Variants in PEPD observed in about 807,000 individuals in gnomAD.
PEPD encodes xaa-Pro dipeptidase.
In PEPD, 53 loss-of-function variants were observed where a neutral mutation model predicts 60.7. The ratio of observed to expected loss-of-function variants is 0.87; its 90% CI spans 0.70 to 1.10. PEPD has a LOEUF of 1.10. PEPD is among the 50% of genes least tolerant of loss of function. PEPD has a pLI of 0.00. For missense variants in PEPD, 711 were observed against 711.9 expected, an observed-to-expected ratio of 1.00 and a Z score of 0.01; for synonymous variants, 267 against 284.1, an observed-to-expected ratio of 0.94 and a Z score of 0.60.
At chr19:33,425,253 C>A (rs571968760) in intron 9 of PEPD, among the ~76,000 whole-genome samples, 4 of 152,070 alleles carry the variant, frequency 2.6e-5, no homozygotes, top group Admixed American at 1.3e-4. Flanking sequence ...ATCTGTAATG[C>A]GCCACTGCAC....
intron 5 of PEPD, among the ~76,000 whole-genome samples, chr19:33,492,807 T>TG (rs1970525005): frequency 6.6e-6 from 1 of 152,184 alleles, no homozygotes; most frequent in African/African-American, 2.4e-5. Context: ...GACTCAAGGA[T>TG]GGGGTCCCAT....
chr19:33,438,832 G>A (rs1034173254), intron 9 of PEPD, among the ~76,000 whole-genome samples: 1 of 152,242 alleles, frequency 6.6e-6, no homozygotes, highest in Non-Finnish European at 1.5e-5. Context: ...AGATTCTCCT[G>A]CCTCAGCCTC....
intron 3 of PEPD, 61 bp from the exon 4 acceptor site, chr19:33,501,062 C>G: frequency 9.9e-7 from 1 of 1,006,932 alleles, no homozygotes; most frequent in Non-Finnish European, 1.6e-6. Context: ...GCATGGCCAC[C>G]TTCCTGCCTG....
At chr19:33,496,868 A>C (rs889507926) in intron 4 of PEPD, among the ~76,000 whole-genome samples, 2 of 152,180 alleles carry the variant, frequency 1.3e-5, no homozygotes, top group Non-Finnish European at 2.9e-5. Context: ...GCACTTTCCT[A>C]ACCAGGGCCC....
chr19:33,434,212 T>A (rs1969330258), intron 9 of PEPD, among the ~76,000 whole-genome samples: 1 of 152,134 alleles, frequency 6.6e-6, no homozygotes, highest in Non-Finnish European at 1.5e-5. Context: ...CCGACAGTTC[T>A]CCCTGTATGG....
chr19:33,466,522 G>C (rs144767753), intron 7 of PEPD, among the ~76,000 whole-genome samples: 249 of 152,278 alleles, frequency 1.6e-3, no homozygotes, highest in African/African-American at 5.5e-3. Context: ...GGGGATAGAA[G>C]AACAAGCTAA....
At chr19:33,435,151 G>A (rs1969350889) in intron 9 of PEPD, among the ~76,000 whole-genome samples, 1 of 152,190 alleles carries the variant, frequency 6.6e-6, no homozygotes, top group African/African-American at 2.4e-5. Context: ...AGGCAGAGGA[G>A]AGCAAAGGCC....
At chr19:33,510,988 T>G in intron 3 of PEPD, 40 bp downstream of exon 3, 11 of 1,294,152 alleles carry the variant, frequency 8.5e-6, no homozygotes, top group African/African-American at 3.1e-5. Flanking sequence ...CCCCAGCCCA[T>G]GGTTGGTAGC....
At chr19:33,409,105 C>T (rs186254185) in intron 11 of PEPD, among the ~76,000 whole-genome samples, 161 of 152,388 alleles carry the variant, frequency 1.1e-3, no homozygotes, top group African/African-American at 3.3e-3. Flanking sequence ...TCCCGGAGGG[C>T]CGAGGCCACA....
At chr19:33,455,345 G>A (rs192504536) in intron 9 of PEPD, among the ~76,000 whole-genome samples, 53 of 151,970 alleles carry the variant, frequency 3.5e-4, no homozygotes, top group East Asian at 1.3e-3. Flanking sequence ...AAACACACAC[G>A]TGGAAAAGGC....
At chr19:33,507,369 T>C (rs555359439) in intron 3 of PEPD, among the ~76,000 whole-genome samples, 1 of 152,270 alleles carries the variant, frequency 6.6e-6, no homozygotes, top group African/African-American at 2.4e-5. Flanking sequence ...ACACTATTGT[T>C]AGCAGAGACT....
intron 6 of PEPD, among the ~76,000 whole-genome samples, chr19:33,481,346 C>T (rs1970310178): frequency 6.6e-6 from 1 of 151,668 alleles, no homozygotes; most frequent in African/African-American, 2.4e-5. Context: ...GCGGGCAGAT[C>T]ACCTGAGGTC....
At chr19:33,494,847 A>G (rs1261190291) in intron 4 of PEPD, among the ~76,000 whole-genome samples, 1 of 152,230 alleles carries the variant, frequency 6.6e-6, no homozygotes, top group Non-Finnish European at 1.5e-5. Context: ...CTTAATGGAC[A>G]CTACTCATTC....
chr19:33,504,250 T>C (rs1221228183), intron 3 of PEPD, among the ~76,000 whole-genome samples: 3 of 152,092 alleles, frequency 2.0e-5, no homozygotes, highest in Non-Finnish European at 2.9e-5. Context: ...GCAGCCATGA[T>C]TTGGTGGGGT....
At chr19:33,481,035 G>A (rs1362810535) in intron 6 of PEPD, among the ~76,000 whole-genome samples, 1 of 151,834 alleles carries the variant, frequency 6.6e-6, no homozygotes, top group Non-Finnish European at 1.5e-5. Flanking sequence ...TAAGAAATCA[G>A]TAACATAAGG....
Position 33,436,422 on chromosome 19 carries a change from T to A in PEPD, c.672-22779A>T, listed in dbSNP as rs576220387. Among the ~76,000 whole-genome samples the A allele has an allele frequency of 2.0e-5, 3 of 152,248 alleles. No homozygotes were observed. In the South Asian group the frequency reaches 6.2e-4, roughly 32 times the overall value. On this transcript the variant is annotated intron_variant, in intron 9 of 14. Coordinates refer to ENST00000244137, the MANE Select transcript of PEPD (RefSeq NM_000285.4). ...CGAGTACAGGGGTGCTTCTGCCTCATCATGATGGGCCTGGTCTGAGGGCTC... is the reference window on the plus strand; with the variant it reads ...CGAGTACAGGGGTGCTTCTGCCTCAACATGATGGGCCTGGTCTGAGGGCTC...
chr19:33,469,814 T>G (rs1970090154), intron 7 of PEPD, among the ~76,000 whole-genome samples: 1 of 151,962 alleles, frequency 6.6e-6, no homozygotes, highest in Admixed American at 6.5e-5. Flanking sequence ...GCTTTTGCGT[T>G]CTATTTTGAA....
At chr19:33,434,136 G>C (rs1969328584) in intron 9 of PEPD, among the ~76,000 whole-genome samples, 1 of 152,088 alleles carries the variant, frequency 6.6e-6, no homozygotes. Flanking sequence ...GGCTTCTTTT[G>C]CTAGACATCA....
In PEPD at chr19:33,395,794, C is replaced by T. The variant is rs140991673; in HGVS notation, c.968-4315G>A. ...CACTTCATCTGTGGAACATGGCCCT[C>T]GGGATGGATGGGTGTGAGCCAGGCT... is the stretch of plus-strand genomic sequence containing the variant. On this transcript the variant is annotated intron_variant, in intron 12 of 14. Coordinates refer to ENST00000244137, the MANE Select transcript of PEPD (RefSeq NM_000285.4). Among the ~76,000 whole-genome samples, 144 of 152,348 alleles carry T rather than the reference C, an allele frequency of 9.5e-4. 1 individual carries two copies. In the East Asian group the frequency reaches 0.021, roughly 22 times the overall value.
Sources: allele counts gnomAD v4.1 joint callset (sites outside exome capture counted in the v4.1 genomes callset), GRCh38; gene constraint gnomAD v4.1.1; transcripts MANE v1.5; gene names NCBI Gene and HGNC (gene_info 2026-07-23, HGNC 2026-07-21).